Variants in CAPN13 observed in about 807,000 individuals in gnomAD.
CAPN13 encodes the protein calpain-13.
In CAPN13, 90 loss-of-function variants were observed where a neutral mutation model predicts 98.4. The observed-to-expected ratio is 0.92, with a 90% confidence interval of 0.77 to 1.09. CAPN13 has a LOEUF of 1.09. Among genes scored for constraint, CAPN13 ranks in the 50% least tolerant of loss-of-function variants. CAPN13 has a pLI of 0.00. For missense variants in CAPN13, 887 were observed against 841.3 expected (o/e 1.05, Z -0.67); for synonymous variants, 330 against 305.5 (o/e 1.08, Z -0.84).
chr2:30,738,314 AG>A (rs755889098), intron 16 of CAPN13, 21 bp from the exon 17 acceptor site: 48 of 1,613,790 alleles, frequency 3.0e-5, no homozygotes, highest in Non-Finnish European at 3.6e-5. Flanking sequence ...AAGGACAGGA[AG>A]GACTGAAGTG....
intron 22 of CAPN13, chr2:30,729,952 C>T (rs1403960645): frequency 1.3e-5 from 2 of 152,164 alleles, no homozygotes; most frequent in African/African-American, 4.8e-5. Flanking sequence ...AAGGTATCCT[C>T]AAATATTTGT....
intron 20 of CAPN13, among the ~76,000 whole-genome samples, chr2:30,731,772 C>T (rs1233584540): frequency 1.3e-5 from 2 of 152,192 alleles, no homozygotes; most frequent in Non-Finnish European, 2.9e-5. Context: ...TGTGTGGGGG[C>T]CAAGGCTTGT....
In CAPN13 at chr2:30,767,390, C is replaced by T. The variant is rs916941303; in HGVS notation, c.524+2923G>A. On this transcript the variant is annotated intron_variant, in intron 5 of 22. Coordinates refer to ENST00000295055, the MANE Select transcript of CAPN13 (RefSeq NM_144575.3). The stretch of plus-strand genomic sequence containing the variant: ...CAGTAGAATGCGGATGCCAGGTCCA[C>T]GTTCCTATTTCTTTTCAAGCTGAAT... 5.9e-5 allele frequency among the ~76,000 whole-genome samples: 9 copies of T among 152,118 alleles called. No homozygotes were observed. The East Asian group carries it at 7.7e-4, about 13-fold the overall frequency.
chr2:30,749,921 T>TA (rs974454329), intron 11 of CAPN13, among the ~76,000 whole-genome samples: 3 of 151,994 alleles, frequency 2.0e-5, no homozygotes, highest in Admixed American at 1.3e-4. Context: ...AAATGATATT[T>TA]AAAAAAAATG....
At position 30,751,325 on chromosome 2, in the gene CAPN13, G is replaced by A. The variant is rs998186394; in HGVS notation, c.1088-74C>T. The stretch of plus-strand genomic sequence containing the variant: ...CCTGGGCAGGGCCATGTCCAGTGCA[G>A]AGAGTTCTGTGGGGTTGTGTTGTGA... On this transcript the variant is annotated intron_variant, in intron 10 of 22. Coordinates refer to ENST00000295055, the MANE Select transcript of CAPN13 (RefSeq NM_144575.3). 17 of 1,538,108 alleles carry A rather than the reference G, an allele frequency of 1.1e-5. No individual in the cohort carries two copies. In the African/African-American group the frequency reaches 2.2e-4, roughly 20 times the overall value.
intron 1 of CAPN13, among the ~76,000 whole-genome samples, chr2:30,792,304 C>A (rs961199298): frequency 3.9e-5 from 6 of 152,016 alleles, no homozygotes; most frequent in African/African-American, 1.2e-4. Context: ...CATTGACAAA[C>A]CCCTAGTCAA....
intron 7 of CAPN13, among the ~76,000 whole-genome samples, chr2:30,758,421 G>A (rs1172201537): frequency 6.6e-6 from 1 of 152,228 alleles, no homozygotes; most frequent in Non-Finnish European, 1.5e-5. Context: ...GAACCTGAGT[G>A]AGTTGAGATT....
chr2:30,723,405 C>T (rs147308148), intron 22 of CAPN13, among the ~76,000 whole-genome samples, 169 bp from the exon 23 acceptor site: 4 of 152,184 alleles, frequency 2.6e-5, no homozygotes, highest in South Asian at 2.1e-4. Context: ...CAGACCCCAA[C>T]GTGCCCATGG....
At chr2:30,784,527 C>A (rs1674159517) in intron 2 of CAPN13, among the ~76,000 whole-genome samples, 1 of 152,144 alleles carries the variant, frequency 6.6e-6, no homozygotes, top group Non-Finnish European at 1.5e-5. Context: ...GAAAAAAGGG[C>A]AGAACATAGA....
chr2:30,791,305 G>A (rs556936981), intron 1 of CAPN13, among the ~76,000 whole-genome samples: 3 of 152,352 alleles, frequency 2.0e-5, no homozygotes, highest in Admixed American at 6.5e-5. Flanking sequence ...CTTAGATACT[G>A]CTGAGCCATA....
chr2:30,731,173 A>G (rs1394562551), intron 21 of CAPN13, among the ~76,000 whole-genome samples, 171 bp downstream of exon 21: 1 of 152,192 alleles, frequency 6.6e-6, no homozygotes, highest in Admixed American at 6.5e-5. Flanking sequence ...AAGATCCTAA[A>G]GCAGCCTGGC....
rs1671041630 is a variant in CAPN13 at position 30,730,728 on chromosome 2, A to G, written c.*30+2T>C. On this transcript the variant is annotated splice_donor_variant, in intron 22 of 22. Transcript: ENST00000295055. LOFTEE classifies it low-confidence loss of function (3UTR_SPLICE). Reference sequence around the variant, plus strand: ...AAAGACTCCAAAGCTACCATGTCTTACCTGAGCCATGGGTCTGCTTTCCTC... The same window carrying G: ...AAAGACTCCAAAGCTACCATGTCTTGCCTGAGCCATGGGTCTGCTTTCCTC... 3 of 780,712 alleles carry G rather than the reference A, an allele frequency of 3.8e-6. No homozygotes were observed. Among genetic ancestry groups the G allele is most frequent in the African/African-American group, 3.4e-5 (2 of 59,144 alleles). The allele number at this position is 780,712 out of a possible 1,614,324, so 48.4% of individuals were successfully genotyped here.
chr2:30,770,188 A>C, intron 5 of CAPN13, 125 bp downstream of exon 5: 9 of 1,303,194 alleles, frequency 6.9e-6, no homozygotes, highest in Non-Finnish European at 9.5e-6. Context: ...GCACGTGGTG[A>C]TTGTTTATGG....
intron 10 of CAPN13, among the ~76,000 whole-genome samples, chr2:30,752,047 C>T (rs1263183692): frequency 2.6e-5 from 4 of 152,200 alleles, no homozygotes; most frequent in African/African-American, 7.2e-5. Flanking sequence ...CAGAGAGGTG[C>T]AGCTCAGGAA....
intron 14 of CAPN13, 125 bp downstream of exon 14, chr2:30,742,201 G>A: frequency 3.2e-6 from 4 of 1,234,496 alleles, no homozygotes; most frequent in Non-Finnish European, 4.6e-6. Context: ...GCCTTCATCG[G>A]CCTATCATGG....
intron 15 of CAPN13, 45 bp from the exon 16 acceptor site, chr2:30,738,502 G>C: frequency 6.4e-7 from 1 of 1,553,564 alleles, no homozygotes; most frequent in South Asian, 1.2e-5. Context: ...TCAGTGCCAG[G>C]ATCTGAGAGG....
intron 2 of CAPN13, among the ~76,000 whole-genome samples, chr2:30,784,295 C>G (rs1674145661): frequency 6.6e-6 from 1 of 152,180 alleles, no homozygotes; most frequent in Admixed American, 6.5e-5. Context: ...CTTAAACTGG[C>G]CAAGGACTGA....
intron 15 of CAPN13, chr2:30,741,662 C>T: frequency 7.4e-7 from 1 of 1,350,794 alleles, no homozygotes; most frequent in Non-Finnish European, 9.5e-7. Context: ...CATAATTATC[C>T]CCTCCCTTTC....
At chr2:30,781,251 T>C (rs979299039) in intron 2 of CAPN13, among the ~76,000 whole-genome samples, 29 of 152,362 alleles carry the variant, frequency 1.9e-4, no homozygotes, top group African/African-American at 6.7e-4. Flanking sequence ...TAGTGTCTTG[T>C]TCTTCACTCT....
Sources: allele counts gnomAD v4.1 joint callset (sites outside exome capture counted in the v4.1 genomes callset), GRCh38; gene constraint gnomAD v4.1.1; transcripts MANE v1.5; gene names NCBI Gene and HGNC (gene_info 2026-07-23, HGNC 2026-07-21).